The following RCAN2 variants were observed in gnomAD, a reference collection of about 807,000 sequenced individuals.
RCAN2 encodes regulator of calcineurin 2.
In RCAN2, 9 loss-of-function variants were observed where a neutral mutation model predicts 23.6. The ratio of observed to expected loss-of-function variants is 0.38; its 90% CI spans 0.23 to 0.67. The LOEUF (loss-of-function observed/expected upper bound fraction) is 0.67. Ranked by LOEUF, RCAN2 falls within the 30% of genes least tolerant of loss-of-function variation. RCAN2 has a pLI of 0.51. For missense variants in RCAN2, 273 were observed against 302.3 expected (o/e 0.90, Z 0.72); for synonymous variants, 109 against 115.7 (o/e 0.94, Z 0.37).
intron 4 of RCAN2, among the ~76,000 whole-genome samples, chr6:46,239,796 T>C (rs557029059): frequency 2.6e-5 from 4 of 152,288 alleles, no homozygotes; most frequent in Admixed American, 2.6e-4. Context: ...TTTGCTTATC[T>C]TCTGGAGGTT....
intron 2 of RCAN2, among the ~76,000 whole-genome samples, chr6:46,326,103 G>A (rs1305782490): frequency 1.3e-5 from 2 of 152,188 alleles, no homozygotes; most frequent in Admixed American, 6.5e-5. Flanking sequence ...AATGCATCCC[G>A]GGCATGGGCT....
intron 2 of RCAN2, among the ~76,000 whole-genome samples, chr6:46,383,215 G>A (rs1396806363): frequency 6.6e-6 from 1 of 150,964 alleles, no homozygotes; most frequent in African/African-American, 2.4e-5. Flanking sequence ...GTGTACGTGT[G>A]TATGGTAGGA....
In RCAN2 at chr6:46,221,962, A is replaced by G. The variant is rs760916653; in HGVS notation, c.*1179T>C. ...TGTCGCGTGAGTAGGACCGGCATAC[A>G]TGTAGCTATCATCCTTCCCCATTTT... is the stretch of plus-strand genomic sequence containing the variant. On this transcript the variant is annotated 3_prime_UTR_variant, in exon 5 of 5. Coordinates refer to ENST00000371374, the MANE Select transcript of RCAN2 (RefSeq NM_001251974.2). 1.5e-5 allele frequency: 6 copies of G among 398,472 alleles called. No individual in the cohort carries two copies. The highest frequency in any genetic ancestry group is 2.7e-5 in the Non-Finnish European group (6 of 226,040). The allele number at this position is 398,472 out of a possible 1,614,324, so 24.7% of individuals were successfully genotyped here. A position where few individuals can be genotyped will look rare whatever the true frequency, so the allele number is the denominator to read the frequency against.
intron 2 of RCAN2, among the ~76,000 whole-genome samples, chr6:46,377,344 C>T (rs556888591): frequency 3.3e-5 from 5 of 152,284 alleles, no homozygotes; most frequent in African/African-American, 9.6e-5. Flanking sequence ...ACTTGGAAAA[C>T]GGGTGTGGGC....
chr6:46,335,973 G>C (rs1280865876), intron 2 of RCAN2, among the ~76,000 whole-genome samples: 1 of 152,154 alleles, frequency 6.6e-6, no homozygotes, highest in Non-Finnish European at 1.5e-5. Context: ...TTTGCCCAAG[G>C]ACAACTAGCT....
intron 2 of RCAN2, among the ~76,000 whole-genome samples, chr6:46,443,675 A>G (rs1561908246): frequency 6.6e-6 from 1 of 152,312 alleles, no homozygotes; most frequent in East Asian, 1.9e-4. Context: ...TGACGTATAA[A>G]GCAGGTTTCT....
In RCAN2 at chr6:46,321,382, AG is replaced by A. The variant is rs1306825777; in HGVS notation, c.226-72487del. Among the ~76,000 whole-genome samples, 3 of 152,228 alleles carry A rather than the reference AG, an allele frequency of 2.0e-5. No individual in the cohort carries two copies. In the East Asian group the frequency reaches 5.8e-4, roughly 29 times the overall value. ...TCCTAGGCCTAGAGCATTGCCTGGTAGGTAATAAATGCTCCACACATGTTTT... is the reference window on the plus strand; with the variant it reads ...TCCTAGGCCTAGAGCATTGCCTGGTAGTAATAAATGCTCCACACATGTTTT... On this transcript the variant is annotated intron_variant, in intron 2 of 4. Transcript: ENST00000371374.
At chr6:46,470,725 T>C (rs186706772) in intron 1 of RCAN2, among the ~76,000 whole-genome samples, 173 of 152,370 alleles carry the variant, frequency 1.1e-3, no homozygotes, top group African/African-American at 3.7e-3. Context: ...TCACTTACAA[T>C]GTACAATTAC....
intron 2 of RCAN2, among the ~76,000 whole-genome samples, chr6:46,290,207 G>A (rs947679450): frequency 6.6e-6 from 1 of 152,086 alleles, no homozygotes; most frequent in African/African-American, 2.4e-5. Flanking sequence ...CTCAGCCTGT[G>A]CCCCAATACA....
At chr6:46,335,414 T>C (rs1004504856) in intron 2 of RCAN2, among the ~76,000 whole-genome samples, 13 of 152,294 alleles carry the variant, frequency 8.5e-5, no homozygotes, top group Middle Eastern at 3.4e-3. Flanking sequence ...AATTCAGGTA[T>C]TGTTTCTGTC....
chr6:46,449,150 A>C (rs1457931664), intron 2 of RCAN2, among the ~76,000 whole-genome samples: 1 of 151,842 alleles, frequency 6.6e-6, no homozygotes, highest in African/African-American at 2.4e-5. Context: ...CAAAACCAAA[A>C]TACAAAAATC....
chr6:46,378,835 G>A (rs1765548590), intron 2 of RCAN2, among the ~76,000 whole-genome samples: 1 of 152,166 alleles, frequency 6.6e-6, no homozygotes, highest in Non-Finnish European at 1.5e-5. Context: ...TAAAGTTTGA[G>A]GAGATATTTG....
intron 2 of RCAN2, among the ~76,000 whole-genome samples, chr6:46,252,805 G>C: frequency 6.6e-6 from 1 of 152,120 alleles, no homozygotes. Context: ...AAGTTGTTTT[G>C]ACTGAAGGGT....
chr6:46,445,352 T>C (rs1232372704), intron 2 of RCAN2, among the ~76,000 whole-genome samples: 1 of 152,150 alleles, frequency 6.6e-6, no homozygotes, highest in Non-Finnish European at 1.5e-5. Flanking sequence ...GGCACCAGGA[T>C]AGCCTGCCCA....
chr6:46,248,585 T>A (rs1345358676), intron 3 of RCAN2, 138 bp downstream of exon 3: 2 of 686,978 alleles, frequency 2.9e-6, no homozygotes, highest in East Asian at 6.0e-5. Context: ...CTGGAAATCA[T>A]GATGTGGGTC....
chr6:46,394,320 A>G (rs780961307), intron 2 of RCAN2, among the ~76,000 whole-genome samples: 23 of 152,344 alleles, frequency 1.5e-4, no homozygotes, highest in Non-Finnish European at 2.5e-4. Flanking sequence ...TCAGAGTCCT[A>G]TGATTTGGCA....
intron 2 of RCAN2, among the ~76,000 whole-genome samples, chr6:46,454,003 C>T (rs1767953293): frequency 6.6e-6 from 1 of 152,230 alleles, no homozygotes; most frequent in Non-Finnish European, 1.5e-5. Flanking sequence ...AATACATCTT[C>T]CCAAAGCCAA....
chr6:46,295,457 A>C (rs1469165883), intron 2 of RCAN2, among the ~76,000 whole-genome samples: 1 of 152,132 alleles, frequency 6.6e-6, no homozygotes, highest in Non-Finnish European at 1.5e-5. Context: ...ACAGAAGAAC[A>C]CCAGAAAAGA....
intron 4 of RCAN2, among the ~76,000 whole-genome samples, chr6:46,242,515 C>A (rs546575326): frequency 3.9e-5 from 6 of 152,332 alleles, no homozygotes; most frequent in African/African-American, 1.4e-4. Context: ...CTCAATCACT[C>A]TGCTCTACCA....
Sources: allele counts gnomAD v4.1 joint callset (sites outside exome capture counted in the v4.1 genomes callset), GRCh38; gene constraint gnomAD v4.1.1; transcripts MANE v1.5; gene names NCBI Gene and HGNC (gene_info 2026-07-23, HGNC 2026-07-21).